RRM2: variants seen among roughly 807,000 people sequenced by gnomAD.
The protein encoded by RRM2 is ribonucleotide reductase regulatory subunit M2.
A neutral mutation model predicts 45.9 loss-of-function variants in RRM2; 6 were observed. The ratio of observed to expected loss-of-function variants is 0.13; its 90% CI spans 0.07 to 0.26. RRM2 has a LOEUF of 0.26. RRM2 is among the 10% of genes least tolerant of loss of function. The pLI is 1.00. For synonymous variants in RRM2, 177 were observed against 173.0 expected (o/e 1.02, Z -0.18); for missense variants, 343 against 489.5 (o/e 0.70, Z 2.82).
At chr2:10,153,202 C>T (rs572145048) in intron 3 of RRM2, among the ~76,000 whole-genome samples, 5 of 151,960 alleles carry the variant, frequency 3.3e-5, no homozygotes, top group South Asian at 2.1e-4. Context: ...TGTGTGCTGG[C>T]GCGCACCTGT....
rs754061118 is a variant in RRM2, at chr2:10,122,897, G to C, written c.99G>C (p.Thr33=). 6.3e-7 allele frequency: 1 copy of C among 1,582,362 alleles called. No homozygotes were observed. Among genetic ancestry groups the C allele is most frequent in the Non-Finnish European group, 8.6e-7 (1 of 1,166,720 alleles). ...KGLSLVDKEN[T]PPALSGTRVL... ...TCAGCTTGGTCGACAAGGAGAACACGGTGAGCCCGCGGGGAGGGCGCTGCG... is the reference window on the plus strand; with the variant it reads ...TCAGCTTGGTCGACAAGGAGAACACCGTGAGCCCGCGGGGAGGGCGCTGCG... Residue 33 remains threonine, a splice_region_variant and synonymous_variant, in exon 1 of 10, where the codon ACG becomes ACC. Coordinates refer to ENST00000304567, the MANE Select transcript of RRM2 (RefSeq NM_001034.4).
Position 10,130,361 on chromosome 2 carries a change from G to A in RRM2, c.*975G>A, listed in dbSNP as rs1024025574. The A allele has an allele frequency of 2.0e-5, 3 of 152,158 alleles. No individual in the cohort carries two copies. Among genetic ancestry groups the A allele is most frequent in the African/African-American group, 7.2e-5 (3 of 41,436 alleles). The allele number at this position is 152,158 out of a possible 1,614,324, so 9.4% of individuals were successfully genotyped here. A position where few individuals can be genotyped will look rare whatever the true frequency, so the allele number is the denominator to read the frequency against. On this transcript the variant is annotated 3_prime_UTR_variant, in exon 10 of 10. Coordinates refer to ENST00000304567, the MANE Select transcript of RRM2 (RefSeq NM_001034.4). The stretch of plus-strand genomic sequence containing the variant: ...TAAGTGGTGAAATCAACTAGAGGTG[G>A]TTCCTACAAGTTGTTCATTCTAGTT...
intron 3 of RRM2, among the ~76,000 whole-genome samples, chr2:10,165,502 A>G (rs566811737): frequency 1.3e-5 from 2 of 152,374 alleles, no homozygotes; most frequent in East Asian, 3.9e-4. Context: ...CGCAGGGGCC[A>G]CATTTAACCG....
chr2:10,162,207 G>A (rs1398632400), intron 3 of RRM2, among the ~76,000 whole-genome samples: 1 of 152,168 alleles, frequency 6.6e-6, no homozygotes, highest in Non-Finnish European at 1.5e-5. Context: ...GAGGAGACAG[G>A]GCACAGCCGA....
chr2:10,150,989 A>T (rs1047253768), intron 3 of RRM2, among the ~76,000 whole-genome samples: 1 of 151,326 alleles, frequency 6.6e-6, no homozygotes, highest in African/African-American at 2.4e-5. Flanking sequence ...AATTTTTTGT[A>T]TTTTTAGTAG....
chr2:10,171,543 C>T lies in RRM2; in HGVS notation n.482+29168C>T, dbSNP rs1472813449. Among the ~76,000 whole-genome samples the T allele has an allele frequency of 6.6e-6, 1 of 152,182 alleles. No homozygotes were observed. Among genetic ancestry groups the T allele is most frequent in the African/African-American group, 2.4e-5 (1 of 41,438 alleles). On this transcript the variant is annotated intron_variant and non_coding_transcript_variant, in intron 3 of 3. Transcript: ENST00000381786. The surrounding 1 kb of genome is among the most constrained non-coding windows in gnomAD (Gnocchi z 4.1). ...GCAGGGCTTGGCAAGGTGGTGTCCC[C>T]CGGTCAGTGCCAGAGTCTCCCTAAT...
chr2:10,182,829 A>G (rs1399977045), intron 3 of RRM2, among the ~76,000 whole-genome samples: 1 of 152,134 alleles, frequency 6.6e-6, no homozygotes, highest in Non-Finnish European at 1.5e-5. Context: ...TAGGGGAAAC[A>G]GCCAACACAT....
downstream of RRM2, among the ~76,000 whole-genome samples, chr2:10,131,746 G>A (rs1169575789): frequency 6.6e-6 from 1 of 152,066 alleles, no homozygotes; most frequent in African/African-American, 2.4e-5. Flanking sequence ...GAAAAAAAAA[G>A]GTGTTTTTTG....
intron 3 of RRM2, among the ~76,000 whole-genome samples, chr2:10,153,648 A>G (rs912429930): frequency 2.0e-5 from 3 of 152,158 alleles, no homozygotes; most frequent in Admixed American, 6.6e-5. Context: ...AGATTGGCAT[A>G]GTTCTCAGCA....
intron 3 of RRM2, among the ~76,000 whole-genome samples, chr2:10,183,140 C>T (rs1169828008): frequency 2.0e-5 from 3 of 152,214 alleles, no homozygotes; most frequent in Non-Finnish European, 4.4e-5. Flanking sequence ...CACTGCACTC[C>T]AGCCTGGGCC....
chr2:10,209,352 C>T (rs1361099401), intron 3 of RRM2, among the ~76,000 whole-genome samples: 1 of 152,030 alleles, frequency 6.6e-6, no homozygotes, highest in Non-Finnish European at 1.5e-5. Flanking sequence ...GCCACCGCAC[C>T]CAGCCTGGAA....
intron 3 of RRM2, among the ~76,000 whole-genome samples, chr2:10,164,397 C>G (rs917125528): frequency 6.6e-6 from 1 of 152,182 alleles, no homozygotes; most frequent in Non-Finnish European, 1.5e-5. Flanking sequence ...AGCCTCAGAA[C>G]AAGGACTGGC....
At chr2:10,174,726 G>A (rs6712167) in intron 3 of RRM2, among the ~76,000 whole-genome samples, 5,988 of 152,142 alleles carry the variant, frequency 0.039, 394 homozygotes, top group African/African-American at 0.14. Context: ...ACTTAGCCAG[G>A]CGTGGTGGCA....
chr2:10,179,371 C>G (rs1446322159), intron 3 of RRM2, among the ~76,000 whole-genome samples: 2 of 152,152 alleles, frequency 1.3e-5, no homozygotes, highest in Non-Finnish European at 2.9e-5. Context: ...AGGCTGGTCT[C>G]AAACTCCCGA....
At chr2:10,184,607 G>T (rs7580999) in intron 3 of RRM2, among the ~76,000 whole-genome samples, 32,069 of 152,208 alleles carry the variant, frequency 0.21, 3,696 homozygotes, top group East Asian at 0.51. Flanking sequence ...CTGGCATGGG[G>T]CTGAGGCCTC....
chr2:10,157,703 A>G (rs745663654), intron 3 of RRM2, among the ~76,000 whole-genome samples: 9 of 152,182 alleles, frequency 5.9e-5, no homozygotes, highest in Non-Finnish European at 1.2e-4. Context: ...TTGTTTGACT[A>G]TACTACAGTT....
At chr2:10,183,234 G>A (rs545050296) in intron 3 of RRM2, among the ~76,000 whole-genome samples, 4 of 152,298 alleles carry the variant, frequency 2.6e-5, no homozygotes, top group African/African-American at 2.4e-5. Context: ...GCCAAAGAGC[G>A]GCAGCACTGG....
chr2:10,190,101 ATGG>A (rs1395137189), intron 3 of RRM2, among the ~76,000 whole-genome samples: 1 of 142,802 alleles, frequency 7.0e-6, no homozygotes, highest in African/African-American at 2.7e-5. Context: ...GGTACTGATG[ATGG>A]TGGAGATGAT....
chr2:10,185,307 T>G lies in RRM2; in HGVS notation n.483-25004T>G, dbSNP rs1311997516. Among the ~76,000 whole-genome samples the G allele has an allele frequency of 6.6e-6, 1 of 152,070 alleles. No homozygotes were observed. The highest frequency in any genetic ancestry group is 1.5e-5 in the Non-Finnish European group (1 of 68,028). On this transcript the variant is annotated intron_variant and non_coding_transcript_variant, in intron 3 of 3. Transcript: ENST00000381786. This position sits in a 1 kb window ranked among gnomAD's most constrained non-coding sequence, Gnocchi z 4.3. ...AGAGAGAGAGAGAGGCAGGAGAGGC[T>G]GAGCGTGGGAGGGAGACAGACGGCA...
Sources: gnomAD v4.1 joint callset for allele counts (sites outside exome capture counted in the v4.1 genomes callset) on GRCh38, gnomAD v4.1.1 for gene constraint, Gnocchi (gnomAD v3.1) non-coding constraint, MANE v1.5 for transcripts, NCBI Gene and HGNC (gene_info 2026-07-23, HGNC 2026-07-21) for gene names.